The following DLGAP1 variants were observed in gnomAD, a reference collection of about 807,000 sequenced individuals.
DLGAP1 encodes DLG associated protein 1, also known as disks large-associated protein 1.
A neutral mutation model predicts 90.8 loss-of-function variants in DLGAP1; 11 were observed. That is an observed-to-expected ratio of 0.12 (90% CI 0.08 to 0.20). DLGAP1 has a LOEUF of 0.20. Among genes scored for constraint, DLGAP1 ranks in the 10% least tolerant of loss-of-function variants. The pLI is 1.00. For missense variants in DLGAP1, 1,050 were observed against 1,333.8 expected (o/e 0.79, Z 3.31); for synonymous variants, 558 against 540.7 (o/e 1.03, Z -0.44).
intron 8 of DLGAP1, among the ~76,000 whole-genome samples, chr18:3,573,273 G>A (rs1386812140): frequency 2.6e-5 from 4 of 152,076 alleles, no homozygotes; most frequent in Non-Finnish European, 2.9e-5. Context: ...AAGCCGAGAC[G>A]GGCAGATCAC....
At chr18:3,528,783 C>T (rs939946892) in intron 10 of DLGAP1, among the ~76,000 whole-genome samples, 1 of 152,132 alleles carries the variant, frequency 6.6e-6, no homozygotes, top group Non-Finnish European at 1.5e-5. Flanking sequence ...CTGTCCTGGG[C>T]GCAGGGTTTG....
chr18:4,355,831 G>T (rs2081501074), intron 1 of DLGAP1, among the ~76,000 whole-genome samples: 2 of 100,492 alleles, frequency 2.0e-5, no homozygotes, highest in Admixed American at 2.1e-4. Context: ...CTTCTCTTGA[G>T]TCTCCCATAC....
chr18:3,879,689 G>T lies in DLGAP1; in HGVS notation c.380C>A (p.Ala127Asp). 1 of 1,607,694 alleles carries T rather than the reference G, an allele frequency of 6.2e-7. No homozygotes were observed. The part of the protein sequence containing the change: ...GYHTLQYKRT[A>D]VEHRSDSPGR... The stretch of plus-strand genomic sequence containing the variant: ...GGGGCTGTCGCTGCGGTGCTCCACG[G>T]CCGTGCGCTTGTACTGCAGGGTGTG... The change falls in exon 4 of 13, where the codon GCC becomes GAC. Residue 127 changes from alanine to aspartate, a missense_variant. Physicochemically the swap from Ala to Asp is moderately radical, Grantham distance 126. Coordinates refer to ENST00000315677, the MANE Select transcript of DLGAP1 (RefSeq NM_004746.4). The surrounding 1 kb of genome is among the most constrained non-coding windows in gnomAD (Gnocchi z 6.6).
intron 2 of DLGAP1, among the ~76,000 whole-genome samples, chr18:4,110,936 C>T (rs1052712002): frequency 3.9e-5 from 6 of 152,182 alleles, no homozygotes; most frequent in Non-Finnish European, 8.8e-5. Context: ...CAGGCGGGCT[C>T]TTCTTCCAAA....
In DLGAP1 at chr18:3,600,702, CTATAGCTA is replaced by C. The variant is rs1412361422; in HGVS notation, c.1592-18462_1592-18455del. On this transcript the variant is annotated intron_variant, in intron 7 of 12. Transcript: ENST00000315677. ...TATCTATAGAGATCTATATAGATAT[CTATAGCTA>C]TATAGATATAGAGATATAGATATAT... 3.0e-4 allele frequency among the ~76,000 whole-genome samples: 25 copies of C among 82,924 alleles called. 2 individuals carry two copies. Among genetic ancestry groups the C allele is most frequent in the Non-Finnish European group, 3.0e-4 (15 of 49,734 alleles). 54.4% of individuals were successfully genotyped at this position (82,924 alleles called of 152,430 possible). A position where few individuals can be genotyped will look rare whatever the true frequency, so the allele number is the denominator to read the frequency against.
At chr18:3,732,561 A>T (rs997038543) in intron 6 of DLGAP1, among the ~76,000 whole-genome samples, 19 of 152,190 alleles carry the variant, frequency 1.2e-4, no homozygotes, top group African/African-American at 3.6e-4. Context: ...ATCGATTTTT[A>T]AAAAATATCA....
At position 3,845,738 on chromosome 18, in the gene DLGAP1, TTGTC is replaced by T. The variant is rs1297504483; in HGVS notation, c.958-31469_958-31466del. On this transcript the variant is annotated intron_variant, in intron 4 of 12. Coordinates refer to ENST00000315677, the MANE Select transcript of DLGAP1 (RefSeq NM_004746.4). Reference sequence around the variant, plus strand: ...AGCTTGCTAAAAGAAGCATGCCTGATTGTCTGACTAGTGATGGAAAGACAGATGC... The same window carrying T: ...AGCTTGCTAAAAGAAGCATGCCTGATTGACTAGTGATGGAAAGACAGATGC... The T allele has an allele frequency of 1.0e-5, 4 of 382,326 alleles. No homozygotes were observed. In the Admixed American group the frequency reaches 1.9e-4, roughly 18 times the overall value. 23.7% of individuals were successfully genotyped at this position (382,326 alleles called of 1,614,324 possible).
intron 2 of DLGAP1, among the ~76,000 whole-genome samples, chr18:4,099,702 CTT>C (rs59311920): frequency 1.2e-4 from 16 of 133,820 alleles, no homozygotes; most frequent in Admixed American, 2.3e-4. Flanking sequence ...TCTTTTTTTA[CTT>C]TTTTTTTTTT....
intron 5 of DLGAP1, among the ~76,000 whole-genome samples, chr18:3,789,624 G>A (rs79509684): frequency 0.016 from 2,509 of 152,292 alleles, 31 homozygotes; most frequent in Non-Finnish European, 0.025. Context: ...TGATTTTTAG[G>A]AAGAGAGCAA....
rs555848391 is a variant in DLGAP1 at position 3,779,366 on chromosome 18, A to G, written c.1172+34693T>C. 2.6e-5 allele frequency among the ~76,000 whole-genome samples: 4 copies of G among 152,072 alleles called. No individual in the cohort carries two copies. In the East Asian group the frequency reaches 7.8e-4, roughly 30 times the overall value. On this transcript the variant is annotated intron_variant, in intron 5 of 12. Transcript: ENST00000315677. Reference sequence around the variant, plus strand: ...GCTGGGATTACAGGTGTGAGCCGCCATGTCTGGCCCAGCAATCAGTTTTTT... The same window carrying G: ...GCTGGGATTACAGGTGTGAGCCGCCGTGTCTGGCCCAGCAATCAGTTTTTT...
chr18:4,267,818 G>A (rs1438125699), intron 1 of DLGAP1, among the ~76,000 whole-genome samples: 3 of 152,258 alleles, frequency 2.0e-5, no homozygotes, highest in Non-Finnish European at 4.4e-5. Context: ...TCCTCACTGC[G>A]TAGGTCTCTC....
rs1230201599 is a variant in DLGAP1, at chr18:3,526,400, C to T, written c.2479+7794G>A. ...ACTGTGCACAGTTTCCGTAACCAAA[C>T]CTGAAACCAGGCAAACCCCATTTCA... is the stretch of plus-strand genomic sequence containing the variant. On this transcript the variant is annotated intron_variant, in intron 10 of 12. Transcript: ENST00000315677. This position sits in a 1 kb window ranked among gnomAD's most constrained non-coding sequence, Gnocchi z 4.7. Among the ~76,000 whole-genome samples the T allele has an allele frequency of 6.6e-6, 1 of 152,176 alleles. No individual in the cohort carries two copies. Among genetic ancestry groups the T allele is most frequent in the African/African-American group, 2.4e-5 (1 of 41,438 alleles).
chr18:4,423,563 G>T (rs1011307067), intron 1 of DLGAP1, among the ~76,000 whole-genome samples: 1 of 152,054 alleles, frequency 6.6e-6, no homozygotes, highest in Non-Finnish European at 1.5e-5. Context: ...TAATCTAAAA[G>T]AAATTTTTCA....
intron 11 of DLGAP1, 32 bp from the exon 12 acceptor site, chr18:3,502,677 T>C: frequency 6.3e-7 from 1 of 1,589,408 alleles, no homozygotes; most frequent in South Asian, 1.2e-5. Flanking sequence ...ATTCATGCTT[T>C]AGAAGCAATT....
rs1227608234 is a variant in DLGAP1 at position 4,122,387 on chromosome 18, A to G, written c.-159+28793T>C. Among the ~76,000 whole-genome samples the G allele has an allele frequency of 2.0e-5, 3 of 152,148 alleles. No individual in the cohort carries two copies. The East Asian group carries it at 5.8e-4, about 29-fold the overall frequency. On this transcript the variant is annotated intron_variant, in intron 2 of 12. Coordinates refer to ENST00000315677, the MANE Select transcript of DLGAP1 (RefSeq NM_004746.4). ...ATTTCAGACTGAAATCTTATTCTGTAATTCCCAAGAAAGGCCTTTTCCGCC... is the reference window on the plus strand; with the variant it reads ...ATTTCAGACTGAAATCTTATTCTGTGATTCCCAAGAAAGGCCTTTTCCGCC...
chr18:3,602,175 C>A lies in DLGAP1; in HGVS notation c.1592-19927G>T, dbSNP rs374591683. On this transcript the variant is annotated intron_variant, in intron 7 of 12. Coordinates refer to ENST00000315677, the MANE Select transcript of DLGAP1 (RefSeq NM_004746.4). ...TGTGTCTGCAAGTACTCTCACCCTT[C>A]ATTCATTCAAGCTTTGCCTAGTACA... 2.6e-4 allele frequency among the ~76,000 whole-genome samples: 40 copies of A among 152,340 alleles called. 1 individual carries two copies. The East Asian group carries it at 7.3e-3, about 28-fold the overall frequency.
At chr18:4,277,664 G>A (rs1450589316) in intron 1 of DLGAP1, among the ~76,000 whole-genome samples, 4 of 151,416 alleles carry the variant, frequency 2.6e-5, no homozygotes, top group African/African-American at 4.9e-5. Flanking sequence ...CTCTTTTTTC[G>A]GTTATTTAGT....
chr18:3,741,306 ACAT>A (rs2063020519), intron 6 of DLGAP1, among the ~76,000 whole-genome samples: 1 of 77,112 alleles, frequency 1.3e-5, no homozygotes, highest in Non-Finnish European at 2.5e-5. Context: ...CCACCACATC[ACAT>A]CACCACCACC....
chr18:3,687,624 A>C (rs1459658370), intron 7 of DLGAP1, among the ~76,000 whole-genome samples: 1 of 152,224 alleles, frequency 6.6e-6, no homozygotes, highest in Non-Finnish European at 1.5e-5. Flanking sequence ...AATTATATAT[A>C]GTCATCACAA....
Sources: gnomAD v4.1 joint callset for allele counts (sites outside exome capture counted in the v4.1 genomes callset) on GRCh38, gnomAD v4.1.1 for gene constraint, Gnocchi (gnomAD v3.1) non-coding constraint, MANE v1.5 for transcripts, NCBI Gene and HGNC (gene_info 2026-07-23, HGNC 2026-07-21) for gene names.